HIBCH: variants seen among roughly 807,000 people sequenced by gnomAD.
The protein encoded by HIBCH is 3-hydroxyisobutyryl-CoA hydrolase, mitochondrial.
A neutral mutation model predicts 58.2 loss-of-function variants in HIBCH; 50 were observed. That is an observed-to-expected ratio of 0.86 (90% CI 0.68 to 1.09). The LOEUF (loss-of-function observed/expected upper bound fraction) is 1.09, where lower values mean the gene tolerates loss of function less well. HIBCH is among the 50% of genes least tolerant of loss of function. The pLI, the probability that HIBCH is intolerant of heterozygous loss-of-function variation, is 0.00. For synonymous variants in HIBCH, 151 were observed against 146.9 expected, an observed-to-expected ratio of 1.03 and a Z score of -0.20; for missense variants, 450 against 449.7, an observed-to-expected ratio of 1.00 and a Z score of -0.01.
At chr2:190,312,131 TGA>T (rs1461921210) in intron 1 of HIBCH, among the ~76,000 whole-genome samples, 2 of 152,188 alleles carry the variant, frequency 1.3e-5, no homozygotes, top group Non-Finnish European at 2.9e-5. Context: ...CGGCAGTGAT[TGA>T]GAGAGGCATG....
In HIBCH at chr2:190,287,649, C is replaced by G. The variant is rs1687864794; in HGVS notation, c.386-11G>C. The G allele has an allele frequency of 6.2e-7, 1 of 1,602,356 alleles. No individual in the cohort carries two copies. Among genetic ancestry groups the G allele is most frequent in the African/African-American group, 1.3e-5 (1 of 74,564 alleles). ...GTTTCTGGCAAGAACCTGAAAGAAA[C>G]AGAGCTGTAATTTTAGTTACAGTGT... is the stretch of plus-strand genomic sequence containing the variant. On this transcript the variant is annotated splice_polypyrimidine_tract_variant and intron_variant, in intron 5 of 13. Transcript: ENST00000359678.
chr2:190,226,653 T>C (rs1685909475), intron 11 of HIBCH, among the ~76,000 whole-genome samples: 1 of 147,532 alleles, frequency 6.8e-6, no homozygotes, highest in African/African-American at 2.5e-5. Flanking sequence ...TGTTTGCAGA[T>C]GACATGATTG....
At chr2:190,299,210 G>C (rs1463612191) in intron 2 of HIBCH, among the ~76,000 whole-genome samples, 1 of 152,150 alleles carries the variant, frequency 6.6e-6, no homozygotes, top group Non-Finnish European at 1.5e-5. Context: ...ATAGAACCTA[G>C]AAGTACATAT....
chr2:190,221,973 C>T (rs1685731649), intron 11 of HIBCH, among the ~76,000 whole-genome samples: 1 of 152,214 alleles, frequency 6.6e-6, no homozygotes, highest in African/African-American at 2.4e-5. Context: ...AGACCTCATT[C>T]CCCCTGGATG....
At chr2:190,261,055 C>T (rs1274838718) in intron 7 of HIBCH, 101 bp downstream of exon 7, 3 of 860,304 alleles carry the variant, frequency 3.5e-6, no homozygotes, top group Non-Finnish European at 5.8e-6. Context: ...TGTTGCATCT[C>T]ACACAAGAGT....
In HIBCH at chr2:190,235,799, C is replaced by T. The variant is rs541037279; in HGVS notation, c.891+9088G>A. On this transcript the variant is annotated intron_variant, in intron 11 of 13. Transcript: ENST00000359678. ...ATGAGGCCTCTCAGAATCCCTCCAT[C>T]GTTTTATGGACATCCATAATAATTT... Among the ~76,000 whole-genome samples the T allele has an allele frequency of 6.6e-5, 10 of 152,292 alleles. No homozygotes were observed. The East Asian group carries it at 9.7e-4, about 15-fold the overall frequency.
chr2:190,246,278 T>G (rs902952547), intron 9 of HIBCH, 66 bp from the exon 10 acceptor site: 17 of 872,726 alleles, frequency 1.9e-5, no homozygotes, highest in Non-Finnish European at 2.8e-5. Context: ...AAATTCATAT[T>G]TAATGATACA....
In HIBCH at chr2:190,217,025, A is replaced by C. The variant is rs1040034881; in HGVS notation, c.892-3950T>G. ...TGAGGAAGTGAGGGTGGAGCCAGGG[A>C]TGCTTTTGCTAATGAAAGTGCCCCT... On this transcript the variant is annotated intron_variant, in intron 11 of 13. Transcript: ENST00000359678. The surrounding 1 kb of genome is among the most constrained non-coding windows in gnomAD (Gnocchi z 4.6). Among the ~76,000 whole-genome samples the C allele has an allele frequency of 6.6e-6, 1 of 152,180 alleles. No individual in the cohort carries two copies. Among genetic ancestry groups the C allele is most frequent in the Non-Finnish European group, 1.5e-5 (1 of 68,036 alleles).
At chr2:190,212,321 A>C (rs1335835633) in intron 12 of HIBCH, among the ~76,000 whole-genome samples, 1 of 152,216 alleles carries the variant, frequency 6.6e-6, no homozygotes, top group Non-Finnish European at 1.5e-5. Flanking sequence ...CTGGCTATTA[A>C]GCCAAATAGT....
chr2:190,207,316 G>A lies in HIBCH; in HGVS notation c.1045+1564C>T, dbSNP rs931889922. On this transcript the variant is annotated intron_variant, in intron 13 of 13. Transcript: ENST00000359678. The surrounding 1 kb of genome is among the most constrained non-coding windows in gnomAD (Gnocchi z 4.5). ...ACAATATAACCCTGTATGCTTACAG[G>A]TCCTCTAAAATCAGAGTTCTAGGCT... 1.3e-5 allele frequency among the ~76,000 whole-genome samples: 2 copies of A among 151,986 alleles called. No homozygotes were observed. Among genetic ancestry groups the A allele is most frequent in the Non-Finnish European group, 2.9e-5 (2 of 68,014 alleles).
intron 11 of HIBCH, among the ~76,000 whole-genome samples, chr2:190,224,281 C>A (rs972919848): frequency 3.3e-5 from 5 of 152,238 alleles, no homozygotes; most frequent in South Asian, 4.1e-4. Context: ...TGGAGCCCAC[C>A]GCAGATCAAG....
intron 11 of HIBCH, among the ~76,000 whole-genome samples, chr2:190,238,327 G>A (rs183404445): frequency 6.6e-6 from 1 of 152,290 alleles, no homozygotes; most frequent in African/African-American, 2.4e-5. Context: ...ATCCTTGCCA[G>A]TATCTGTTGT....
At chr2:190,234,194 A>G (rs1686194885) in intron 11 of HIBCH, among the ~76,000 whole-genome samples, 1 of 152,236 alleles carries the variant, frequency 6.6e-6, no homozygotes, top group Admixed American at 6.5e-5. Flanking sequence ...GCGGGTGAGA[A>G]TGCGGAGCAA....
At position 190,279,480 on chromosome 2, in the gene HIBCH, C is replaced by T. The variant is rs1687647521; in HGVS notation, c.438+8106G>A. ...ATCTGTGAAGCCTGTGTAATCAAAA[C>T]AAGTTATCTACTTCCAAGATACAGT... On this transcript the variant is annotated intron_variant, in intron 6 of 13. Coordinates refer to ENST00000359678, the MANE Select transcript of HIBCH (RefSeq NM_014362.4). The surrounding 1 kb of genome is among the most constrained non-coding windows in gnomAD (Gnocchi z 4.2). Among the ~76,000 whole-genome samples the T allele has an allele frequency of 6.6e-6, 1 of 152,210 alleles. No homozygotes were observed. Among genetic ancestry groups the T allele is most frequent in the Non-Finnish European group, 1.5e-5 (1 of 68,046 alleles).
In HIBCH at chr2:190,204,631, G is replaced by A. The variant is rs1295526974; in HGVS notation, c.*486C>T. On this transcript the variant is annotated 3_prime_UTR_variant, in exon 14 of 14. Transcript: ENST00000359678. ...AAAAATTCTATGAGGCATTAACACA[G>A]TATCCAAAACAATTTTCAGGGTCTT... 2 of 166,540 alleles carry A rather than the reference G, an allele frequency of 1.2e-5. No homozygotes were observed. The highest frequency in any genetic ancestry group is 2.6e-5 in the Non-Finnish European group (2 of 76,888). 10.3% of individuals were successfully genotyped at this position (166,540 alleles called of 1,614,324 possible).
chr2:190,311,104 G>A, intron 1 of HIBCH: 1 of 511,564 alleles, frequency 2.0e-6, no homozygotes, highest in Non-Finnish European at 3.6e-6. Context: ...ATGAAAAAAA[G>A]AAAAGAGCTA....
At position 190,281,893 on chromosome 2, in the gene HIBCH, G is replaced by A. The variant is rs1687714707; in HGVS notation, c.438+5693C>T. ...ATGGACACATCCAGCCAGGTTCTTT[G>A]TCACTTTATTACAAGGATGCTCTTT... On this transcript the variant is annotated intron_variant, in intron 6 of 13. Coordinates refer to ENST00000359678, the MANE Select transcript of HIBCH (RefSeq NM_014362.4). This position sits in a 1 kb window ranked among gnomAD's most constrained non-coding sequence, Gnocchi z 5.4. 6.6e-6 allele frequency among the ~76,000 whole-genome samples: 1 copy of A among 152,088 alleles called. No homozygotes were observed. Among genetic ancestry groups the A allele is most frequent in the South Asian group, 2.1e-4 (1 of 4,810 alleles).
At chr2:190,293,977 G>A (rs1363822993) in intron 4 of HIBCH, among the ~76,000 whole-genome samples, 1 of 141,650 alleles carries the variant, frequency 7.1e-6, no homozygotes, top group Non-Finnish European at 1.5e-5. Flanking sequence ...GTTTAAACAC[G>A]TAAAATATAC....
Position 190,306,200 on chromosome 2 carries a change from T to G in HIBCH, c.78+4554A>C, listed in dbSNP as rs1045108715. On this transcript the variant is annotated intron_variant, in intron 2 of 13. Transcript: ENST00000359678. This position sits in a 1 kb window ranked among gnomAD's most constrained non-coding sequence, Gnocchi z 4.6. ...TATAATGCAAAACTCTTGTAACCACTACCTAGGTCAAGAAATGGAATTTAG... is the reference window on the plus strand; with the variant it reads ...TATAATGCAAAACTCTTGTAACCACGACCTAGGTCAAGAAATGGAATTTAG... 7.9e-5 allele frequency among the ~76,000 whole-genome samples: 12 copies of G among 152,136 alleles called. No homozygotes were observed. The highest frequency in any genetic ancestry group is 1.6e-4 in the Non-Finnish European group (11 of 68,020).
Sources: allele counts gnomAD v4.1 joint callset (sites outside exome capture counted in the v4.1 genomes callset), GRCh38; gene constraint gnomAD v4.1.1; non-coding constraint Gnocchi (gnomAD v3.1); transcripts MANE v1.5; gene names NCBI Gene and HGNC (gene_info 2026-07-23, HGNC 2026-07-21).